NIPAL2: variants seen among roughly 807,000 people sequenced by gnomAD.
The protein encoded by NIPAL2 is NIPA like domain containing 2, also known as NIPA-like protein 2.
NIPAL2 carries 43 observed loss-of-function variants against 48.9 expected under a neutral mutation model. That is an observed-to-expected ratio of 0.88 (90% confidence interval 0.69 to 1.13). NIPAL2 has a LOEUF of 1.13. Ranked by LOEUF, NIPAL2 falls within the 50% of genes most tolerant of loss-of-function variation. NIPAL2 has a pLI of 0.00. For missense variants in NIPAL2, 446 were observed against 461.4 expected, an observed-to-expected ratio of 0.97 and a Z score of 0.31; for synonymous variants, 167 against 174.6, an observed-to-expected ratio of 0.96 and a Z score of 0.34.
At chr8:98,292,506 CT>C (rs1816537480) in intron 1 of NIPAL2, among the ~76,000 whole-genome samples, 1 of 152,148 alleles carries the variant, frequency 6.6e-6, no homozygotes, top group Non-Finnish European at 1.5e-5. Context: ...TGGATACATC[CT>C]TTCTAACCTG....
intron 1 of NIPAL2, among the ~76,000 whole-genome samples, chr8:98,268,446 C>T (rs904030438): frequency 7.9e-5 from 12 of 151,804 alleles, no homozygotes; most frequent in African/African-American, 2.9e-4. Context: ...CATGGTGAAA[C>T]CCCATCTCTA....
At chr8:98,204,959 C>G (rs1388993085) in intron 7 of NIPAL2, 152 bp downstream of exon 7, 1 of 784,188 alleles carries the variant, frequency 1.3e-6, no homozygotes, top group East Asian at 2.5e-5. Context: ...AAGGAGGAAG[C>G]AAGGCATGTT....
chr8:98,199,235 C>T (rs1333982591), intron 8 of NIPAL2, among the ~76,000 whole-genome samples: 2 of 152,176 alleles, frequency 1.3e-5, no homozygotes, highest in Non-Finnish European at 1.5e-5. Context: ...GGATTACAGA[C>T]ATGAGACACT....
At chr8:98,268,902 C>T (rs1209837516) in intron 1 of NIPAL2, among the ~76,000 whole-genome samples, 2 of 152,058 alleles carry the variant, frequency 1.3e-5, no homozygotes, top group Non-Finnish European at 2.9e-5. Flanking sequence ...TATTTTATTA[C>T]CAAAAATGCT....
intron 1 of NIPAL2, among the ~76,000 whole-genome samples, chr8:98,260,425 C>T (rs189031614): frequency 9.7e-4 from 147 of 152,256 alleles, no homozygotes; most frequent in Middle Eastern, 3.4e-3. Context: ...GTGCGCGCAC[C>T]GTGTGCGAGC....
intron 8 of NIPAL2, among the ~76,000 whole-genome samples, chr8:98,201,064 C>T (rs1810775521): frequency 6.6e-6 from 1 of 152,184 alleles, no homozygotes; most frequent in South Asian, 2.1e-4. Context: ...AGGGTGGCGG[C>T]ATGTTACCTA....
intron 3 of NIPAL2, among the ~76,000 whole-genome samples, chr8:98,237,932 T>C (rs554705891): frequency 6.6e-6 from 1 of 152,248 alleles, no homozygotes; most frequent in Non-Finnish European, 1.5e-5. Flanking sequence ...TATGTCTTTT[T>C]ATTCTTCTAA....
At chr8:98,257,628 A>T (rs560797749) in intron 1 of NIPAL2, among the ~76,000 whole-genome samples, 1 of 151,210 alleles carries the variant, frequency 6.6e-6, no homozygotes, top group Admixed American at 6.6e-5. Context: ...TTCTGTAGAG[A>T]ATCTCCATCC....
intron 3 of NIPAL2, among the ~76,000 whole-genome samples, chr8:98,242,543 A>G (rs1161529450): frequency 7.2e-6 from 1 of 138,302 alleles, no homozygotes; most frequent in African/African-American, 2.8e-5. Context: ...GCTGGAGTGC[A>G]TTGGCGATCT....
intron 3 of NIPAL2, among the ~76,000 whole-genome samples, chr8:98,245,296 G>T (rs914683492): frequency 2.0e-5 from 3 of 152,124 alleles, no homozygotes; most frequent in African/African-American, 7.2e-5. Context: ...ATCATTCCCC[G>T]TTAGTTGTAG....
At chr8:98,236,291 G>T in intron 3 of NIPAL2, 77 bp from the exon 4 acceptor site, 1 of 1,007,348 alleles carries the variant, frequency 9.9e-7, no homozygotes, top group Non-Finnish European at 1.5e-6. Context: ...AAGAAGTTAA[G>T]CAATTTGTGC....
At chr8:98,251,258 C>T (rs751806246) in intron 3 of NIPAL2, among the ~76,000 whole-genome samples, 44 of 152,046 alleles carry the variant, frequency 2.9e-4, no homozygotes, top group Admixed American at 5.2e-4. Context: ...AATAAAACAA[C>T]ATTTTCAAGA....
intron 7 of NIPAL2, among the ~76,000 whole-genome samples, chr8:98,203,609 GT>G (rs1174846259): frequency 6.6e-6 from 1 of 152,208 alleles, no homozygotes; most frequent in Non-Finnish European, 1.5e-5. Context: ...GTAAAGGAAT[GT>G]TTAATGTTTC....
At chr8:98,225,261 T>C (rs994969016) in intron 4 of NIPAL2, among the ~76,000 whole-genome samples, 1 of 152,272 alleles carries the variant, frequency 6.6e-6, no homozygotes, top group Admixed American at 6.5e-5. Flanking sequence ...GTGTCATTTA[T>C]ATTTATGTGA....
chr8:98,216,961 C>T lies in NIPAL2; in HGVS notation c.559-4460G>A, dbSNP rs1368280024. Reference sequence around the variant, plus strand: ...CAAAATCAAATCTTTCTCATTCTTACAGGACTTATAGCTTTTAACATGCTA... The same window carrying T: ...CAAAATCAAATCTTTCTCATTCTTATAGGACTTATAGCTTTTAACATGCTA... On this transcript the variant is annotated intron_variant, in intron 5 of 10. Coordinates refer to ENST00000430223, the MANE Select transcript of NIPAL2 (RefSeq NM_001321635.2). 1.4e-5 allele frequency: 10 copies of T among 730,612 alleles called. No homozygotes were observed. The Admixed American group carries it at 1.9e-4, about 14-fold the overall frequency. The allele number at this position is 730,612 out of a possible 1,614,324, so 45.3% of individuals were successfully genotyped here.
At chr8:98,285,432 A>G (rs931426299) in intron 1 of NIPAL2, among the ~76,000 whole-genome samples, 2 of 152,204 alleles carry the variant, frequency 1.3e-5, no homozygotes, top group Non-Finnish European at 2.9e-5. Flanking sequence ...CATGGTCTTA[A>G]CATCATCCAA....
At chr8:98,207,650 A>G (rs1811104235) in intron 6 of NIPAL2, among the ~76,000 whole-genome samples, 1 of 152,190 alleles carries the variant, frequency 6.6e-6, no homozygotes, top group Non-Finnish European at 1.5e-5. Flanking sequence ...AAATGTGGGA[A>G]AGCCTGGAAA....
intron 8 of NIPAL2, among the ~76,000 whole-genome samples, chr8:98,199,013 A>T (rs1468056068): frequency 6.7e-6 from 1 of 149,976 alleles, no homozygotes; most frequent in Non-Finnish European, 1.5e-5. Flanking sequence ...CTGGAGTGCA[A>T]TGGTGCCATC....
chr8:98,288,587 C>A (rs1213317196), intron 1 of NIPAL2, among the ~76,000 whole-genome samples: 2 of 150,548 alleles, frequency 1.3e-5, no homozygotes, highest in African/African-American at 2.5e-5. Flanking sequence ...AATGGTATTT[C>A]CAGTTCTAGA....
Sources: allele counts gnomAD v4.1 joint callset (sites outside exome capture counted in the v4.1 genomes callset), GRCh38; gene constraint gnomAD v4.1.1; transcripts MANE v1.5; gene names NCBI Gene and HGNC (gene_info 2026-07-23, HGNC 2026-07-21).